RBFOX1: variants seen among roughly 807,000 people sequenced by gnomAD.
The protein encoded by RBFOX1 is RNA binding fox-1 homolog 1.
In RBFOX1, 8 loss-of-function variants were observed where a neutral mutation model predicts 57.7. That is an observed-to-expected ratio of 0.14 (90% CI 0.08 to 0.25). The LOEUF (loss-of-function observed/expected upper bound fraction) is 0.25, where lower values mean the gene tolerates loss of function less well. Ranked by LOEUF, RBFOX1 falls within the 10% of genes least tolerant of loss-of-function variation. The probability of loss-of-function intolerance (pLI) is 1.00; values close to 1 mark genes in which losing one functional copy is unlikely to be tolerated. For synonymous variants in RBFOX1, 326 were observed against 222.4 expected (o/e 1.47, Z -4.15); for missense variants, 611 against 548.5 (o/e 1.11, Z -1.14).
chr16:5,284,322 T>C (rs560492101), intron 1 of RBFOX1, among the ~76,000 whole-genome samples: 1 of 152,292 alleles, frequency 6.6e-6, no homozygotes, highest in African/African-American at 2.4e-5. Flanking sequence ...TCATTATTTA[T>C]GGTTGCAGTT....
intron 1 of RBFOX1, among the ~76,000 whole-genome samples, chr16:5,276,545 G>T (rs982822865): frequency 2.0e-5 from 3 of 152,216 alleles, no homozygotes; most frequent in Admixed American, 6.5e-5. Context: ...AGTACTTTGG[G>T]AGGCCGAGGC....
At chr16:7,542,699 GA>G (rs59316335) in intron 5 of RBFOX1, among the ~76,000 whole-genome samples, 6,070 of 74,320 alleles carry the variant, frequency 0.082, 144 homozygotes, top group African/African-American at 0.12. Flanking sequence ...TACTAAAAAT[GA>G]AAAAAAAAAA....
chr16:5,867,460 G>A, intron 4 of RBFOX1: 1 of 656,610 alleles, frequency 1.5e-6, no homozygotes, highest in Non-Finnish European at 2.2e-6. Flanking sequence ...CTTGGATGGT[G>A]TGTTTTCAGT....
intron 1 of RBFOX1, among the ~76,000 whole-genome samples, chr16:6,187,270 C>G (rs1169508573): frequency 6.6e-6 from 1 of 151,828 alleles, no homozygotes; most frequent in Non-Finnish European, 1.5e-5. Flanking sequence ...GGATGACGAT[C>G]GATGTTTTCT....
chr16:6,696,888 T>C (rs1382760452), intron 3 of RBFOX1, among the ~76,000 whole-genome samples: 1 of 152,208 alleles, frequency 6.6e-6, no homozygotes, highest in Admixed American at 6.5e-5. Flanking sequence ...AGCACATGTT[T>C]AAGAAATGGA....
At chr16:5,622,399 C>A (rs146384943) in intron 3 of RBFOX1, among the ~76,000 whole-genome samples, 1 of 152,338 alleles carries the variant, frequency 6.6e-6, no homozygotes, top group African/African-American at 2.4e-5. Context: ...GTCTTGTGCA[C>A]TGCCCTCTAC....
intron 1 of RBFOX1, among the ~76,000 whole-genome samples, chr16:6,242,262 G>C (rs999508097): frequency 6.6e-6 from 1 of 152,108 alleles, no homozygotes; most frequent in Non-Finnish European, 1.5e-5. Flanking sequence ...TATTCAAACA[G>C]GATCATATCC....
intron 2 of RBFOX1, among the ~76,000 whole-genome samples, chr16:6,581,891 A>G (rs914413043): frequency 2.6e-5 from 4 of 152,248 alleles, no homozygotes; most frequent in Non-Finnish European, 5.9e-5. Flanking sequence ...CAACATGTCA[A>G]GGTTTTCTTT....
intron 3 of RBFOX1, among the ~76,000 whole-genome samples, chr16:6,890,591 G>A (rs773844505): frequency 6.6e-6 from 1 of 152,160 alleles, no homozygotes; most frequent in African/African-American, 2.4e-5. Flanking sequence ...ATAGATTTAA[G>A]GAATCATTGC....
chr16:6,847,384 C>T (rs543057063), intron 3 of RBFOX1, among the ~76,000 whole-genome samples: 2 of 152,036 alleles, frequency 1.3e-5, no homozygotes, highest in Admixed American at 6.6e-5. Flanking sequence ...TATGTGTGCA[C>T]ATTCTGGGGC....
chr16:6,642,593 C>CT lies in RBFOX1; in HGVS notation c.-63-12009dup, dbSNP rs200391062. On this transcript the variant is annotated intron_variant, in intron 2 of 15. Coordinates refer to ENST00000550418, the MANE Select transcript of RBFOX1 (RefSeq NM_018723.4). ...AGCCTCTTGTCCTCTCATAACCACA[C>CT]TCCAAAAAAAAAGTAAGGTGAAGAA... Among the ~76,000 whole-genome samples, 622 of 151,442 alleles carry CT rather than the reference C, an allele frequency of 4.1e-3. 3 individuals are homozygous for CT. Among genetic ancestry groups the CT allele is most frequent in the Middle Eastern group, 0.024 (7 of 294 alleles).
chr16:6,836,668 C>T (rs577259481), intron 3 of RBFOX1, among the ~76,000 whole-genome samples: 47 of 152,298 alleles, frequency 3.1e-4, no homozygotes, highest in South Asian at 1.2e-3. Context: ...CAGTTCCTTT[C>T]TTATGCCCCT....
intron 4 of RBFOX1, among the ~76,000 whole-genome samples, chr16:7,087,688 C>T: frequency 6.6e-6 from 1 of 152,096 alleles, no homozygotes; most frequent in East Asian, 1.9e-4. Flanking sequence ...TAAACAAGCA[C>T]ACCAAATCTT....
At chr16:5,547,481 A>C (rs1024277987) in intron 2 of RBFOX1, among the ~76,000 whole-genome samples, 1 of 151,750 alleles carries the variant, frequency 6.6e-6, no homozygotes, top group Non-Finnish European at 1.5e-5. Flanking sequence ...CAAAATCTTT[A>C]TGCTCAGTGA....
intron 1 of RBFOX1, chr16:5,270,515 GA>G: frequency 1.5e-6 from 1 of 650,634 alleles, no homozygotes; most frequent in Non-Finnish European, 2.8e-6. Flanking sequence ...TTCCATGGTT[GA>G]AAAATGTTCA....
chr16:7,171,650 C>T (rs748916476), intron 4 of RBFOX1, among the ~76,000 whole-genome samples: 1 of 152,160 alleles, frequency 6.6e-6, no homozygotes, highest in Non-Finnish European at 1.5e-5. Flanking sequence ...CCATTTACTT[C>T]ACCATGCCAG....
At chr16:6,085,650 T>TGTGTGTGTGTG (rs2096073052) in intron 1 of RBFOX1, among the ~76,000 whole-genome samples, 1 of 150,488 alleles carries the variant, frequency 6.6e-6, no homozygotes, top group Admixed American at 6.6e-5. Context: ...CAGTGTGTGT[T>TGTGTGTGTGTG]TGTGTGTGTG....
chr16:5,509,571 G>A (rs574245461), intron 2 of RBFOX1, among the ~76,000 whole-genome samples: 1 of 152,332 alleles, frequency 6.6e-6, no homozygotes, highest in East Asian at 1.9e-4. Flanking sequence ...TGTTGTTAGA[G>A]TCTTTGTCTC....
chr16:7,120,644 T>C (rs1168939671), intron 4 of RBFOX1, among the ~76,000 whole-genome samples: 1 of 151,088 alleles, frequency 6.6e-6, no homozygotes, highest in African/African-American at 2.4e-5. Context: ...AATAAAAATT[T>C]TCAGACACAA....
Sources: allele counts gnomAD v4.1 joint callset (sites outside exome capture counted in the v4.1 genomes callset), GRCh38; gene constraint gnomAD v4.1.1; transcripts MANE v1.5; gene names NCBI Gene and HGNC (gene_info 2026-07-23, HGNC 2026-07-21).